Variants in PSG1 observed in about 807,000 individuals in gnomAD.
PSG1 encodes the protein pregnancy-specific beta-1-glycoprotein 1.
Under a neutral mutation model 41.4 loss-of-function variants are expected in PSG1, and 60 were observed. The ratio of observed to expected loss-of-function variants is 1.45; its 90% CI spans 1.18 to 1.80. The LOEUF is 1.80. PSG1 is among the 40% of genes most tolerant of loss of function. The probability of loss-of-function intolerance (pLI) is 0.00; values close to 1 mark genes in which losing one functional copy is unlikely to be tolerated. For synonymous variants in PSG1, 256 were observed against 192.9 expected (o/e 1.33, Z -2.71); for missense variants, 806 against 516.9 (o/e 1.56, Z -5.42).
At chr19:42,877,066 G>A (rs1322580903) in intron 2 of PSG1, among the ~76,000 whole-genome samples, 1 of 151,642 alleles carries the variant, frequency 6.6e-6, no homozygotes, top group East Asian at 1.9e-4. Flanking sequence ...GTGAATAAAT[G>A]TTAAATTATT....
At chr19:42,867,986 T>G (rs1468830102) in intron 5 of PSG1, 115 bp downstream of exon 5, 10 of 1,603,098 alleles carry the variant, frequency 6.2e-6, no homozygotes, top group Non-Finnish European at 8.5e-6. Flanking sequence ...AATTTGGGAT[T>G]TGCTTGTGCC....
intron 2 of PSG1, among the ~76,000 whole-genome samples, chr19:42,873,411 C>T (rs1971475538): frequency 1.3e-5 from 2 of 151,542 alleles, no homozygotes; most frequent in East Asian, 3.9e-4. Context: ...ATTTCCGATG[C>T]TCAATTTGTA....
chr19:42,874,887 A>C (rs1412033881), intron 2 of PSG1, among the ~76,000 whole-genome samples: 2 of 151,086 alleles, frequency 1.3e-5, no homozygotes, highest in African/African-American at 2.4e-5. Context: ...CAAGTTGTTG[A>C]CTTTTGAGTT....
At position 42,869,015 on chromosome 19, in the gene PSG1, G is replaced by T. The variant is rs762159333; in HGVS notation, c.729C>A (p.Tyr243Ter). 6.2e-6 allele frequency: 10 copies of T among 1,610,666 alleles called. No homozygotes were observed. In the East Asian group the frequency reaches 1.3e-4, roughly 22 times the overall value. The change falls in exon 4 of 6, where the codon TAC becomes TAA. Residue 243 changes from tyrosine (Y) to a stop codon, truncating the protein, a stop_gained. Coordinates refer to ENST00000436291, the MANE Select transcript of PSG1 (RefSeq NM_001184825.2). LOFTEE classifies it high-confidence loss of function. ...TGGGGTTTAAGTTGTTGATGGTGATGTAGGGCTTGGGCAGCTTCGCTGTGT... is the reference window on the plus strand; with the variant it reads ...TGGGGTTTAAGTTGTTGATGGTGATTTAGGGCTTGGGCAGCTTCGCTGTGT... ...LNLLPKLPKP[Y>*]ITINNLNPRE... is the part of the protein sequence containing the mutation.
intron 2 of PSG1, among the ~76,000 whole-genome samples, chr19:42,874,554 G>A (rs540432738): frequency 6.6e-6 from 1 of 151,766 alleles, no homozygotes; most frequent in African/African-American, 2.4e-5. Context: ...CACCATGTTA[G>A]CCAGGATGGT....
intron 2 of PSG1, among the ~76,000 whole-genome samples, chr19:42,874,755 C>A (rs9304616): frequency 2.0e-5 from 3 of 150,872 alleles, no homozygotes; most frequent in Admixed American, 2.0e-4. Context: ...GAAGCTAGAA[C>A]TCTCTAGAAA....
In PSG1 at chr19:42,878,233, G is replaced by T; in HGVS notation, c.110C>A (p.Thr37Lys). The T allele has an allele frequency of 1.2e-6, 2 of 1,610,942 alleles. No homozygotes were observed. The highest frequency in any genetic ancestry group is 1.7e-6 in the Non-Finnish European group (2 of 1,178,686). The change falls in exon 2 of 6, where the codon ACG (threonine) becomes AAG (lysine). Residue 37 changes from threonine (T) to lysine (K), a missense_variant. Physicochemically the swap from Thr to Lys is moderately conservative, Grantham distance 78. Coordinates refer to ENST00000436291, the MANE Select transcript of PSG1 (RefSeq NM_001184825.2). ...AACTTTGGTTGGCTCGGCTTCAATC[G>T]TGACTTGGGCAGTGGTGGGCAGGTT... ...FWNLPTTAQV[T>K]IEAEPTKVSE...
intron 1 of PSG1, among the ~76,000 whole-genome samples, chr19:42,879,282 A>C (rs1487936757): frequency 6.6e-6 from 1 of 150,488 alleles, no homozygotes; most frequent in African/African-American, 2.5e-5. Context: ...CCTCCCGAGT[A>C]GCTAGGATTA....
In PSG1 at chr19:42,868,260, C is replaced by T; in HGVS notation, c.1084G>A (p.Ala362Thr). ...LSCSADSNPP[A>T]QYSWTINEKF... The stretch of plus-strand genomic sequence containing the variant: ...TCATTAATTGTCCAAGAATACTGTG[C>T]CGGTGGGTTAGAGTCCGCAGAACAG... Residue 362 changes from alanine to threonine, a missense_variant, in exon 5 of 6, where the codon GCA becomes ACA. Ala to Thr is a moderately conservative substitution (Grantham distance 58). Coordinates refer to ENST00000436291, the MANE Select transcript of PSG1 (RefSeq NM_001184825.2). 11 of 1,612,212 alleles carry T rather than the reference C, an allele frequency of 6.8e-6. No homozygotes were observed. Among genetic ancestry groups the T allele is most frequent in the Non-Finnish European group, 9.3e-6 (11 of 1,179,140 alleles).
chr19:42,867,895 G>A lies in PSG1; in HGVS notation c.1243+206C>T, dbSNP rs770631158. The A allele has an allele frequency of 2.8e-4, 409 of 1,456,070 alleles. 12 individuals carry two copies. Among genetic ancestry groups the A allele is most frequent in the Non-Finnish European group, 3.7e-4 (395 of 1,078,950 alleles). 90.2% of individuals were successfully genotyped at this position (1,456,070 alleles called of 1,614,324 possible). A position where few individuals can be genotyped will look rare whatever the true frequency, so the allele number is the denominator to read the frequency against. Reference sequence around the variant, plus strand: ...ATCAATGTTCTTCCTGCTTGGTCTAGGCTGGGAATATTATGAAGATATCAG... The same window carrying A: ...ATCAATGTTCTTCCTGCTTGGTCTAAGCTGGGAATATTATGAAGATATCAG... On this transcript the variant is annotated intron_variant, in intron 5 of 5. Coordinates refer to ENST00000436291, the MANE Select transcript of PSG1 (RefSeq NM_001184825.2).
In PSG1 at chr19:42,879,529, A is replaced by G; in HGVS notation, c.53T>C (p.Leu18Pro). 1 of 1,610,310 alleles carries G rather than the reference A, an allele frequency of 6.2e-7. No individual in the cohort carries two copies. The highest frequency in any genetic ancestry group is 2.2e-5 in the East Asian group (1 of 44,630). The change falls in exon 1 of 6, where the codon CTC becomes CCC. Residue 18 changes from leucine to proline, a missense_variant. Physicochemically the swap from Leu to Pro is moderately conservative, Grantham distance 98. Coordinates refer to ENST00000436291, the MANE Select transcript of PSG1 (RefSeq NM_001184825.2). ...PCTQRIKWKGLLLTASLLNFW... is the reference protein window; with the variant it reads ...PCTQRIKWKGPLLTASLLNFW... ...AGTTCTCTCCTCACCTGTGAGCAGG[A>G]GCCCCTTCCATTTGATGCGCTGTGT...
Position 42,867,052 on chromosome 19 carries a change from G to A in PSG1, c.*82C>T, listed in dbSNP as rs1382185998. The A allele has an allele frequency of 2.3e-5, 18 of 770,816 alleles. No homozygotes were observed. In the Admixed American group the frequency reaches 2.7e-4, roughly 12 times the overall value. The allele number at this position is 770,816 out of a possible 1,614,324, so 47.7% of individuals were successfully genotyped here. A position where few individuals can be genotyped will look rare whatever the true frequency, so the allele number is the denominator to read the frequency against. On this transcript the variant is annotated 3_prime_UTR_variant, in exon 6 of 6. Transcript: ENST00000436291. ...ATTTACATTGAGTTGTCCACCTCCA[G>A]CTTATAGGGCTTCTGGAACAGAGTG...
intron 2 of PSG1, among the ~76,000 whole-genome samples, chr19:42,877,514 AGGGTCTG>A (rs1971659912): frequency 6.6e-6 from 1 of 151,694 alleles, no homozygotes; most frequent in Non-Finnish European, 1.5e-5. Flanking sequence ...TTTAGGGACA[AGGGTCTG>A]GGGTTGAGGC....
Position 42,872,336 on chromosome 19 carries a change from T to A in PSG1, c.431-291A>T, listed in dbSNP as rs185935938. ...AGTCACAGCCCCTGGTGCCTCTGTG[T>A]GTCCCTCCGTCTCCAACTGCCTGCC... On this transcript the variant is annotated intron_variant, in intron 2 of 5. Coordinates refer to ENST00000436291, the MANE Select transcript of PSG1 (RefSeq NM_001184825.2). Among the ~76,000 whole-genome samples, 14 of 151,684 alleles carry A rather than the reference T, an allele frequency of 9.2e-5. 1 individual carries two copies. Among genetic ancestry groups the A allele is most frequent in the South Asian group, 6.3e-4 (3 of 4,768 alleles).
rs1333841294 is a variant in PSG1, at chr19:42,867,102, G to A, written c.*32C>T. On this transcript the variant is annotated 3_prime_UTR_variant, in exon 6 of 6. Coordinates refer to ENST00000436291, the MANE Select transcript of PSG1 (RefSeq NM_001184825.2). ...GGGTCTTGCTCTTAGTGATTCCATG[G>A]GAGAAAATGGAATTGGAGGTACTAG... 1.3e-6 allele frequency: 1 copy of A among 772,676 alleles called. No individual in the cohort carries two copies. The highest frequency in any genetic ancestry group is 1.7e-5 in the Admixed American group (1 of 58,888). The allele number at this position is 772,676 out of a possible 1,614,324, so 47.9% of individuals were successfully genotyped here. A position where few individuals can be genotyped will look rare whatever the true frequency, so the allele number is the denominator to read the frequency against.
chr19:42,876,185 T>A lies in PSG1; in HGVS notation c.430+1728A>T, dbSNP rs970889710. Among the ~76,000 whole-genome samples the A allele has an allele frequency of 5.3e-5, 8 of 150,970 alleles. 1 individual carries two copies. Among genetic ancestry groups the A allele is most frequent in the African/African-American group, 1.9e-4 (8 of 41,042 alleles). Reference sequence around the variant, plus strand: ...AGCTGTGCAGGACAGGGCTTGCCAGTCAGAATGAAGTGGGAGGAAGATGAG... The same window carrying A: ...AGCTGTGCAGGACAGGGCTTGCCAGACAGAATGAAGTGGGAGGAAGATGAG... On this transcript the variant is annotated intron_variant, in intron 2 of 5. Transcript: ENST00000436291.
At position 42,878,338 on chromosome 19, in the gene PSG1, G is replaced by C. The variant is rs569215680; in HGVS notation, c.65-60C>G. ...ACCTATGTATTGGTGTGAAAACATG[G>C]GGCCCTGGGTCCTGAGAAGGTCTCT... On this transcript the variant is annotated intron_variant, in intron 1 of 5. Coordinates refer to ENST00000436291, the MANE Select transcript of PSG1 (RefSeq NM_001184825.2). 5.3e-5 allele frequency: 82 copies of C among 1,545,946 alleles called. 1 individual carries two copies. The highest frequency in any genetic ancestry group is 6.6e-5 in the Non-Finnish European group (76 of 1,148,390).
intron 3 of PSG1, chr19:42,870,408 C>G (rs1971331314): frequency 6.6e-6 from 1 of 151,496 alleles, no homozygotes; most frequent in South Asian, 2.1e-4. Context: ...TTTTCTCTCA[C>G]CACGTTTCTA....
Position 42,878,286 on chromosome 19 carries a change from G to T in PSG1, c.65-8C>A, listed in dbSNP as rs752604237. The T allele has an allele frequency of 5.2e-5, 83 of 1,600,726 alleles. 3 individuals are homozygous for T. The highest frequency in any genetic ancestry group is 7.1e-5 in the Non-Finnish European group (83 of 1,173,816). Reference sequence around the variant, plus strand: ...AGAAGTTTAAAAGTGATGCTAGGAGGTGGAGAGAACATCAGTCAATATTGA... The same window carrying T: ...AGAAGTTTAAAAGTGATGCTAGGAGTTGGAGAGAACATCAGTCAATATTGA... On this transcript the variant is annotated splice_polypyrimidine_tract_variant and splice_region_variant and intron_variant, in intron 1 of 5. Coordinates refer to ENST00000436291, the MANE Select transcript of PSG1 (RefSeq NM_001184825.2).
Sources: gnomAD v4.1 joint callset for allele counts (sites outside exome capture counted in the v4.1 genomes callset) on GRCh38, gnomAD v4.1.1 for gene constraint, MANE v1.5 for transcripts, NCBI Gene and HGNC (gene_info 2026-07-23, HGNC 2026-07-21) for gene names.